Variants in USP39 observed in about 807,000 individuals in gnomAD.
USP39 encodes the protein ubiquitin specific peptidase 39.
In USP39, 38 loss-of-function variants were observed where a neutral mutation model predicts 66.4. That is an observed-to-expected ratio of 0.57 (90% CI 0.44 to 0.75). USP39 has a LOEUF of 0.75. Among genes scored for constraint, USP39 ranks in the 30% least tolerant of loss-of-function variants. The pLI, the probability that USP39 is intolerant of heterozygous loss-of-function variation, is 0.00. For missense variants in USP39, 608 were observed against 714.4 expected (o/e 0.85, Z 1.70); for synonymous variants, 303 against 274.6 (o/e 1.10, Z -1.02).
intron 8 of USP39, among the ~76,000 whole-genome samples, chr2:85,638,582 A>G (rs1334778320): frequency 6.6e-6 from 1 of 152,030 alleles, no homozygotes; most frequent in Admixed American, 6.6e-5. Flanking sequence ...CTTGTTGCCC[A>G]GGCTGGAGTG....
At chr2:85,633,923 C>T (rs937971033) in intron 6 of USP39, among the ~76,000 whole-genome samples, 84 of 144,388 alleles carry the variant, frequency 5.8e-4, no homozygotes, top group African/African-American at 1.8e-3. Context: ...CTGCAAGCTC[C>T]GCCTCCCGGG....
chr2:85,634,256 G>A (rs116635400), intron 6 of USP39, among the ~76,000 whole-genome samples: 1,836 of 151,978 alleles, frequency 0.012, 14 homozygotes, highest in Non-Finnish European at 0.019. Context: ...TACACTTCGG[G>A]TTGGTTACAA....
At chr2:85,618,010 A>G (rs1474464171) in intron 1 of USP39, among the ~76,000 whole-genome samples, 2 of 151,640 alleles carry the variant, frequency 1.3e-5, no homozygotes, top group East Asian at 3.9e-4. Context: ...CTGGAGTGCA[A>G]TGGCACGATC....
chr2:85,629,013 GA>G (rs1675098966), intron 5 of USP39, among the ~76,000 whole-genome samples: 1 of 152,138 alleles, frequency 6.6e-6, no homozygotes, highest in Non-Finnish European at 1.5e-5. Flanking sequence ...GACCTGTGGG[GA>G]TACTGCATTT....
At chr2:85,639,609 C>A in intron 9 of USP39, 1 of 421,978 alleles carries the variant, frequency 2.4e-6, no homozygotes, top group Non-Finnish European at 4.2e-6. Flanking sequence ...CATCCGCCAC[C>A]ATGACTGGCT....
chr2:85,622,371 C>G (rs756159123), intron 3 of USP39, among the ~76,000 whole-genome samples: 3 of 148,188 alleles, frequency 2.0e-5, no homozygotes, highest in Non-Finnish European at 4.5e-5. Flanking sequence ...GATCCATACT[C>G]CTCAGCCTCC....
rs1378719551 is a variant in USP39, at chr2:85,620,820, A to G, written c.339-665A>G. ...CTTTGGGATTATTATCGGTTAATTA[A>G]GAGTTACTATTTGAGAATAAATCTC... is the stretch of plus-strand genomic sequence containing the variant. On this transcript the variant is annotated intron_variant, in intron 2 of 12. Coordinates refer to ENST00000323701, the MANE Select transcript of USP39 (RefSeq NM_006590.4). Among the ~76,000 whole-genome samples, 5 of 152,334 alleles carry G rather than the reference A, an allele frequency of 3.3e-5. No individual in the cohort carries two copies. The South Asian group carries it at 6.2e-4, about 19-fold the overall frequency.
intron 12 of USP39, 88 bp from the exon 13 acceptor site, chr2:85,648,673 T>A: frequency 6.8e-7 from 1 of 1,479,596 alleles, no homozygotes; most frequent in South Asian, 1.1e-5. Context: ...TGACAAGTTG[T>A]CCATGGCCTG....
intron 1 of USP39, among the ~76,000 whole-genome samples, chr2:85,605,052 T>G (rs1558835536): frequency 6.6e-6 from 1 of 152,210 alleles, no homozygotes; most frequent in Non-Finnish European, 1.5e-5. Context: ...GGACCAGATG[T>G]CTTTAAAAAG....
upstream of USP39, chr2:85,609,161 G>T: frequency 6.6e-7 from 1 of 1,518,096 alleles, no homozygotes; most frequent in Non-Finnish European, 8.9e-7. Flanking sequence ...ACTCCATTTA[G>T]CTCAAGGCTT....
At chr2:85,647,183 C>T (rs1409078823) in intron 11 of USP39, among the ~76,000 whole-genome samples, 2 of 152,084 alleles carry the variant, frequency 1.3e-5, no homozygotes, top group Non-Finnish European at 2.9e-5. Context: ...GCCCCTGTGC[C>T]CAGCCAGGAA....
intron 5 of USP39, among the ~76,000 whole-genome samples, chr2:85,629,493 CTT>C (rs1279509864): frequency 6.7e-6 from 1 of 149,236 alleles, no homozygotes; most frequent in African/African-American, 2.5e-5. Context: ...ACCATTTTCT[CTT>C]TCTCTTTTTT....
At chr2:85,611,691 T>A (rs1456092327), upstream of USP39, 14 of 1,576,690 alleles carry the variant, frequency 8.9e-6, no homozygotes, top group Non-Finnish European at 1.2e-5. Context: ...CAGGTACACC[T>A]GCAGGTCTGG....
chr2:85,648,871 AG>A lies in USP39; in HGVS notation c.*64del, dbSNP rs1676848068. On this transcript the variant is annotated 3_prime_UTR_variant, in exon 13 of 13. Coordinates refer to ENST00000323701, the MANE Select transcript of USP39 (RefSeq NM_006590.4). ...TGATGATGGTAAATAAGAACACAGA[AG>A]CTGTAGCTGAACACAGGCTGGCTGG... The A allele has an allele frequency of 6.3e-7, 1 of 1,597,586 alleles. No individual in the cohort carries two copies. Among genetic ancestry groups the A allele is most frequent in the African/African-American group, 1.3e-5 (1 of 74,300 alleles).
chr2:85,641,607 TAAG>T (rs2104345259), intron 10 of USP39, among the ~76,000 whole-genome samples: 1 of 152,156 alleles, frequency 6.6e-6, no homozygotes, highest in Admixed American at 6.5e-5. Flanking sequence ...TTTTCATACT[TAAG>T]AAGATGTTTG....
intron 12 of USP39, 150 bp from the exon 13 acceptor site, chr2:85,648,611 G>A (rs986738621): frequency 1.3e-5 from 11 of 866,710 alleles, no homozygotes; most frequent in Non-Finnish European, 2.1e-5. Flanking sequence ...CTCAGTGGCT[G>A]TAGCCACTGT....
Position 85,639,274 on chromosome 2 carries a change from G to C in USP39, c.1167G>C (p.Met389Ile), listed in dbSNP as rs1290447517. 3.1e-6 allele frequency: 5 copies of C among 1,613,912 alleles called. No homozygotes were observed. The highest frequency in any genetic ancestry group is 4.2e-6 in the Non-Finnish European group (5 of 1,179,992). ...AGACAATGGTGGAGTCCACTTTTAT[G>C]TACCTGACGCTGGACCTTCCTACTG... ...YQETMVESTFMYLTLDLPTAP... is the reference protein window; with the variant it reads ...YQETMVESTFIYLTLDLPTAP... The change falls in exon 9 of 13, where the codon ATG (methionine) becomes ATC (isoleucine). Residue 389 changes from methionine to isoleucine, a missense_variant. This residue lies in a region of USP39 where 164 missense variants were observed against 250.3 expected (regional missense o/e 0.66). Coordinates refer to ENST00000323701, the MANE Select transcript of USP39 (RefSeq NM_006590.4).
intron 7 of USP39, among the ~76,000 whole-genome samples, 182 bp downstream of exon 7, chr2:85,636,312 A>G (rs1055649760): frequency 6.6e-6 from 1 of 152,102 alleles, no homozygotes; most frequent in African/African-American, 2.4e-5. Context: ...TACCAAAAAT[A>G]CAAAAGTTAT....
chr2:85,628,170 G>A (rs1675019680), intron 5 of USP39, among the ~76,000 whole-genome samples: 1 of 151,738 alleles, frequency 6.6e-6, no homozygotes, highest in Admixed American at 6.6e-5. Context: ...TTTTGAGATG[G>A]AGTCTCGCTC....
Sources: gnomAD v4.1 joint callset for allele counts (sites outside exome capture counted in the v4.1 genomes callset) on GRCh38, gnomAD v4.1.1 for gene constraint, gnomAD v4.1.1 regional missense constraint, MANE v1.5 for transcripts, NCBI Gene and HGNC (gene_info 2026-07-23, HGNC 2026-07-21) for gene names.